RBL1: variants seen among roughly 807,000 people sequenced by gnomAD.
RBL1 encodes the protein retinoblastoma-like protein 1.
Under a neutral mutation model 123.0 loss-of-function variants are expected in RBL1, and 82 were observed. The observed-to-expected ratio is 0.67, with a 90% CI of 0.56 to 0.80. The LOEUF (loss-of-function observed/expected upper bound fraction) is 0.80, where lower values mean the gene tolerates loss of function less well. RBL1 is among the 30% of genes least tolerant of loss of function. The pLI, the probability that RBL1 is intolerant of heterozygous loss-of-function variation, is 0.00. For missense variants in RBL1, 1,171 were observed against 1,299.6 expected, an observed-to-expected ratio of 0.90 and a Z score of 1.52; for synonymous variants, 405 against 441.3, an observed-to-expected ratio of 0.92 and a Z score of 1.03.
chr20:37,014,010 A>T (rs2064208207), intron 19 of RBL1, among the ~76,000 whole-genome samples: 1 of 151,888 alleles, frequency 6.6e-6, no homozygotes, highest in Non-Finnish European at 1.5e-5. Context: ...ATCTAACCAT[A>T]GCTCTAAGAA....
intron 2 of RBL1, among the ~76,000 whole-genome samples, chr20:37,072,367 C>T (rs2065295487): frequency 3.9e-5 from 6 of 152,120 alleles, no homozygotes; most frequent in Admixed American, 3.9e-4. Flanking sequence ...ACTCCGGAGG[C>T]TGAGGCAGGA....
intron 16 of RBL1, among the ~76,000 whole-genome samples, chr20:37,030,683 C>T (rs889297348): frequency 1.3e-5 from 2 of 151,684 alleles, no homozygotes; most frequent in African/African-American, 2.4e-5. Flanking sequence ...GGTGAAACCT[C>T]GTCTCTACTA....
intron 16 of RBL1, among the ~76,000 whole-genome samples, chr20:37,027,109 G>A (rs551877424): frequency 1.3e-5 from 2 of 152,168 alleles, no homozygotes; most frequent in African/African-American, 4.8e-5. Context: ...ACTTTGGGAG[G>A]CTGAGGTGGG....
Position 36,998,221 on chromosome 20 carries a change from T to TA in RBL1, c.*537_*538insT, listed in dbSNP as rs2063909276. 6.9e-6 allele frequency: 1 copy of TA among 145,474 alleles called. No homozygotes were observed. The highest frequency in any genetic ancestry group is 2.5e-5 in the African/African-American group (1 of 40,394). 9.0% of individuals were successfully genotyped at this position (145,474 alleles called of 1,614,324 possible). On this transcript the variant is annotated 3_prime_UTR_variant, in exon 22 of 22. Coordinates refer to ENST00000373664, the MANE Select transcript of RBL1 (RefSeq NM_002895.5). ...AGCAAACATTAAAAAAAATTCCCTATTTATATATATATATATATTTTTTGA... is the reference window on the plus strand; with the variant it reads ...AGCAAACATTAAAAAAAATTCCCTATATTATATATATATATATATTTTTTGA...
intron 16 of RBL1, among the ~76,000 whole-genome samples, chr20:37,025,909 A>AT (rs1254094740): frequency 1.3e-5 from 2 of 151,780 alleles, no homozygotes; most frequent in East Asian, 3.9e-4. Flanking sequence ...TGCCTGGGTA[A>AT]TTTTTTTGTA....
rs769540857 is a variant in RBL1 at position 37,032,659 on chromosome 20, A to G, written c.2382+6T>C. On this transcript the variant is annotated splice_donor_region_variant and intron_variant, in intron 16 of 21. Coordinates refer to ENST00000373664, the MANE Select transcript of RBL1 (RefSeq NM_002895.5). ...AATTCTTCTAAAGTGCTATAAAAAC[A>G]CATACCTTTCTGTAAAATAGTGCTA... The G allele has an allele frequency of 6.2e-7, 1 of 1,613,878 alleles. No individual in the cohort carries two copies. The highest frequency in any genetic ancestry group is 8.5e-7 in the Non-Finnish European group (1 of 1,179,924).
chr20:37,035,812 T>C (rs2064602270), intron 14 of RBL1, among the ~76,000 whole-genome samples: 1 of 152,166 alleles, frequency 6.6e-6, no homozygotes, highest in Admixed American at 6.5e-5. Context: ...GAGCACTAAA[T>C]TTTAGTAGTA....
intron 16 of RBL1, 56 bp downstream of exon 16, chr20:37,032,605 TACTC>T (rs1359774579): frequency 2.5e-6 from 4 of 1,592,380 alleles, no homozygotes; most frequent in Middle Eastern, 3.4e-4. Flanking sequence ...CTGTCTCTGT[TACTC>T]AATCTTTCTT....
At position 37,044,257 on chromosome 20, in the gene RBL1, A is replaced by G; in HGVS notation, c.1606-7T>C. On this transcript the variant is annotated splice_polypyrimidine_tract_variant and splice_region_variant and intron_variant, in intron 12 of 21. Coordinates refer to ENST00000373664, the MANE Select transcript of RBL1 (RefSeq NM_002895.5). Reference sequence around the variant, plus strand: ...GGATCACCACCTCAATAACCTGCAGAGGAGAAAGTGAGAAGGCAATGTGGT... The same window carrying G: ...GGATCACCACCTCAATAACCTGCAGGGGAGAAAGTGAGAAGGCAATGTGGT... The G allele has an allele frequency of 6.2e-7, 1 of 1,613,544 alleles. No individual in the cohort carries two copies. The highest frequency in any genetic ancestry group is 1.1e-5 in the South Asian group (1 of 91,020).
At chr20:37,032,520 T>C (rs2064529443) in intron 16 of RBL1, 145 bp downstream of exon 16, 1 of 1,301,908 alleles carries the variant, frequency 7.7e-7, no homozygotes. Context: ...TTTAATACCA[T>C]TGAACTGTAC....
At chr20:37,037,627 A>G (rs1194657815) in intron 14 of RBL1, among the ~76,000 whole-genome samples, 1 of 152,118 alleles carries the variant, frequency 6.6e-6, no homozygotes, top group Non-Finnish European at 1.5e-5. Flanking sequence ...TATAATAATT[A>G]TAATTATTCC....
chr20:37,053,279 T>C (rs1160405978), intron 11 of RBL1, among the ~76,000 whole-genome samples: 1 of 152,216 alleles, frequency 6.6e-6, no homozygotes, highest in Non-Finnish European at 1.5e-5. Flanking sequence ...GTTGTAACAA[T>C]GAAAAATAAT....
chr20:37,009,525 T>A (rs1316338405), intron 19 of RBL1, among the ~76,000 whole-genome samples: 1 of 151,554 alleles, frequency 6.6e-6, no homozygotes, highest in Non-Finnish European at 1.5e-5. Flanking sequence ...ACCGAGCTAA[T>A]TTTTTTTTAC....
intron 11 of RBL1, among the ~76,000 whole-genome samples, chr20:37,052,390 G>T (rs2064931291): frequency 6.6e-6 from 1 of 151,962 alleles, no homozygotes; most frequent in Non-Finnish European, 1.5e-5. Flanking sequence ...GGAGTGCAGT[G>T]GTGTGATCTC....
At chr20:37,060,948 GT>G (rs2065084216) in intron 9 of RBL1, among the ~76,000 whole-genome samples, 154 bp downstream of exon 9, 1 of 152,090 alleles carries the variant, frequency 6.6e-6, no homozygotes, top group African/African-American at 2.4e-5. Flanking sequence ...CTTCAATATG[GT>G]TTTAGGTCAA....
At chr20:37,018,179 T>A in intron 19 of RBL1, 100 bp downstream of exon 19, 1 of 1,323,646 alleles carries the variant, frequency 7.6e-7, no homozygotes, top group Non-Finnish European at 9.9e-7. Flanking sequence ...CCACCTCACC[T>A]CCTTATGATT....
At chr20:37,055,969 C>T (rs2064997031) in intron 10 of RBL1, among the ~76,000 whole-genome samples, 177 bp downstream of exon 10, 1 of 151,748 alleles carries the variant, frequency 6.6e-6, no homozygotes, top group Non-Finnish European at 1.5e-5. Flanking sequence ...ATCGTTTGAA[C>T]CTGGGAGGAG....
At chr20:37,055,207 C>T (rs2064982439) in intron 11 of RBL1, among the ~76,000 whole-genome samples, 1 of 151,222 alleles carries the variant, frequency 6.6e-6, no homozygotes, top group African/African-American at 2.4e-5. Flanking sequence ...AAGAAAAACC[C>T]ATACCATTTT....
At chr20:37,083,369 G>A (rs1287125809) in intron 2 of RBL1, among the ~76,000 whole-genome samples, 3 of 152,026 alleles carry the variant, frequency 2.0e-5, no homozygotes, top group Admixed American at 6.6e-5. Context: ...TCAGGAGGGC[G>A]TGGTGGGAGG....
Sources: allele counts gnomAD v4.1 joint callset (sites outside exome capture counted in the v4.1 genomes callset), GRCh38; gene constraint gnomAD v4.1.1; transcripts MANE v1.5; gene names NCBI Gene and HGNC (gene_info 2026-07-23, HGNC 2026-07-21).